FARSB: variants seen among roughly 807,000 people sequenced by gnomAD.
FARSB encodes phenylalanyl-tRNA synthetase subunit beta, also known as phenylalanine--tRNA ligase beta subunit.
FARSB carries 40 observed loss-of-function variants against 69.6 expected under a neutral mutation model. The ratio of observed to expected loss-of-function variants is 0.57; its 90% CI spans 0.45 to 0.75. The LOEUF (loss-of-function observed/expected upper bound fraction) is 0.75. Among genes scored for constraint, FARSB ranks in the 30% least tolerant of loss-of-function variants. The probability of loss-of-function intolerance (pLI) is 0.00; values close to 1 mark genes in which losing one functional copy is unlikely to be tolerated. For missense variants in FARSB, 632 were observed against 722.9 expected, an observed-to-expected ratio of 0.87 and a Z score of 1.44; for synonymous variants, 235 against 247.2, an observed-to-expected ratio of 0.95 and a Z score of 0.46.
At chr2:222,584,473 G>A (rs776077171) in intron 16 of FARSB, among the ~76,000 whole-genome samples, 8 of 152,192 alleles carry the variant, frequency 5.3e-5, no homozygotes, top group Non-Finnish European at 1.2e-4. Flanking sequence ...TGAGGTACCA[G>A]GTTCATCTCA....
At chr2:222,636,906 T>C (rs1012088480) in intron 5 of FARSB, among the ~76,000 whole-genome samples, 5 of 152,146 alleles carry the variant, frequency 3.3e-5, no homozygotes, top group African/African-American at 9.7e-5. Flanking sequence ...CAGACAAAAC[T>C]AGTCCATAGA....
chr2:222,615,443 C>T (rs1253105916), intron 14 of FARSB, among the ~76,000 whole-genome samples: 1 of 152,210 alleles, frequency 6.6e-6, no homozygotes, highest in Non-Finnish European at 1.5e-5. Context: ...CATGGCCTAC[C>T]TGGGGCCCTA....
intron 15 of FARSB, among the ~76,000 whole-genome samples, chr2:222,605,126 T>C (rs953719371): frequency 2.7e-5 from 4 of 147,788 alleles, no homozygotes; most frequent in African/African-American, 1.0e-4. Flanking sequence ...ATAAACTAAA[T>C]TGAAGAGCCT....
At chr2:222,625,467 C>G (rs1454286184) in intron 10 of FARSB, among the ~76,000 whole-genome samples, 3 of 152,226 alleles carry the variant, frequency 2.0e-5, no homozygotes, top group African/African-American at 7.2e-5. Flanking sequence ...AGGCAATGGT[C>G]TGGAACCTTG....
At position 222,613,837 on chromosome 2, in the gene FARSB, T is replaced by G. The variant is rs1690923137; in HGVS notation, c.1436A>C (p.Asp479Ala). 6.2e-7 allele frequency: 1 copy of G among 1,600,790 alleles called. No individual in the cohort carries two copies. The highest frequency in any genetic ancestry group is 1.7e-5 in the Admixed American group (1 of 59,992). ...TGTATTAGAATCTTTTATTACAATG[T>G]CAGAGATTTCAAACAGTTTCAGTGG... ...PLPLKLFEISDIVIKDSNTDV... is the reference protein window; with the variant it reads ...PLPLKLFEISAIVIKDSNTDV... Residue 479 changes from aspartate to alanine, a missense_variant, in exon 15 of 17, where the codon GAC (aspartate) becomes GCC (alanine). Transcript: ENST00000281828.
chr2:222,590,876 T>C (rs1467119496), intron 16 of FARSB, among the ~76,000 whole-genome samples: 4 of 152,216 alleles, frequency 2.6e-5, no homozygotes, highest in Non-Finnish European at 4.4e-5. Flanking sequence ...TTTTTATGTA[T>C]GTTTTTAATT....
At chr2:222,612,496 C>G (rs1455054509) in intron 15 of FARSB, among the ~76,000 whole-genome samples, 1 of 152,240 alleles carries the variant, frequency 6.6e-6, no homozygotes, top group Non-Finnish European at 1.5e-5. Context: ...GGTCGATTTA[C>G]AGTCAATAGT....
chr2:222,593,444 T>C (rs776517601), intron 16 of FARSB, among the ~76,000 whole-genome samples: 1 of 152,240 alleles, frequency 6.6e-6, no homozygotes, highest in Non-Finnish European at 1.5e-5. Context: ...CCAAGTCACA[T>C]TGAATGGGAG....
At chr2:222,647,321 G>A (rs190759096) in intron 2 of FARSB, among the ~76,000 whole-genome samples, 80 of 152,232 alleles carry the variant, frequency 5.3e-4, no homozygotes, top group African/African-American at 1.7e-3. Flanking sequence ...CAAATTCTAC[G>A]GAGCCTGGAA....
intron 16 of FARSB, among the ~76,000 whole-genome samples, chr2:222,595,087 T>C (rs1247279117): frequency 6.6e-6 from 1 of 152,216 alleles, no homozygotes; most frequent in East Asian, 1.9e-4. Context: ...TCAAAACTGT[T>C]TCCATACAGA....
intron 1 of FARSB, among the ~76,000 whole-genome samples, chr2:222,650,650 C>T (rs114524169): frequency 0.012 from 1,751 of 152,178 alleles, 32 homozygotes; most frequent in African/African-American, 0.04. Flanking sequence ...GCCTCCAAGA[C>T]GGCCTGTTCC....
At chr2:222,629,098 C>T (rs1175755640) in intron 9 of FARSB, among the ~76,000 whole-genome samples, 1 of 152,158 alleles carries the variant, frequency 6.6e-6, no homozygotes, top group African/African-American at 2.4e-5. Context: ...CCTTTTCAGG[C>T]ACCACCTACT....
rs1323378592 is a variant in FARSB at position 222,570,819 on chromosome 2, C to T, written c.*1052G>A. On this transcript the variant is annotated 3_prime_UTR_variant, in exon 17 of 17. Transcript: ENST00000281828. The stretch of plus-strand genomic sequence containing the variant: ...ATTACAGGCATGAGCCACAGCGCAC[C>T]CAGCCTTTGTTAGCTATTTCTACTG... 3 of 152,012 alleles carry T rather than the reference C, an allele frequency of 2.0e-5. No homozygotes were observed. The highest frequency in any genetic ancestry group is 7.2e-5 in the African/African-American group (3 of 41,396). 9.4% of individuals were successfully genotyped at this position (152,012 alleles called of 1,614,324 possible).
intron 14 of FARSB, among the ~76,000 whole-genome samples, chr2:222,616,454 G>A (rs182184312): frequency 6.7e-6 from 1 of 149,100 alleles, no homozygotes; most frequent in African/African-American, 2.5e-5. Context: ...GGCTGAGGCA[G>A]GAGAATTGCT....
intron 16 of FARSB, among the ~76,000 whole-genome samples, chr2:222,592,501 TAAATCTGTCTCACATGTATAAGATAA>T (rs1257070861): frequency 1.3e-5 from 2 of 152,168 alleles, no homozygotes; most frequent in Middle Eastern, 6.8e-3. Context: ...CTGAGGAAAG[TAAATCTGTCTCACATGTATAAGATAA>T]AAACTGAGTA....
chr2:222,652,332 C>T (rs988017495), intron 1 of FARSB, among the ~76,000 whole-genome samples: 6 of 152,058 alleles, frequency 3.9e-5, no homozygotes, highest in African/African-American at 4.8e-5. Flanking sequence ...AGAGGGGAAA[C>T]GGTGGTAGTC....
chr2:222,581,198 C>T (rs1257344628), intron 16 of FARSB, among the ~76,000 whole-genome samples: 1 of 152,134 alleles, frequency 6.6e-6, no homozygotes, highest in Non-Finnish European at 1.5e-5. Context: ...GTAAAGTTAA[C>T]GGGCCTCCTG....
intron 15 of FARSB, among the ~76,000 whole-genome samples, chr2:222,602,407 AC>A (rs1466237632): frequency 7.2e-5 from 11 of 152,212 alleles, no homozygotes; most frequent in East Asian, 1.9e-4. Context: ...ATATAAAAAA[AC>A]AATAGTGATA....
chr2:222,603,499 T>C (rs1008186327), intron 15 of FARSB, among the ~76,000 whole-genome samples: 2 of 151,780 alleles, frequency 1.3e-5, no homozygotes, highest in African/African-American at 4.8e-5. Flanking sequence ...GTATTAACTA[T>C]CTGTCAATTT....
Sources: gnomAD v4.1 joint callset for allele counts (sites outside exome capture counted in the v4.1 genomes callset) on GRCh38, gnomAD v4.1.1 for gene constraint, MANE v1.5 for transcripts, NCBI Gene and HGNC (gene_info 2026-07-23, HGNC 2026-07-21) for gene names.